Variants in ABLIM1 observed in about 807,000 individuals in gnomAD.
The protein encoded by ABLIM1 is actin binding LIM protein 1, also known as actin-binding LIM protein 1.
In ABLIM1, 40 loss-of-function variants were observed where a neutral mutation model predicts 107.0. The observed-to-expected ratio is 0.37, with a 90% CI of 0.29 to 0.49. ABLIM1 has a LOEUF of 0.49. ABLIM1 is among the 20% of genes least tolerant of loss of function. The probability of loss-of-function intolerance (pLI) is 0.97; values close to 1 mark genes in which losing one functional copy is unlikely to be tolerated. For missense variants in ABLIM1, 857 were observed against 1,008.5 expected (o/e 0.85, Z 2.04); for synonymous variants, 357 against 357.3 (o/e 1.00, Z 0.01).
upstream of ABLIM1, chr10:114,658,430 T>G (rs1307655204): frequency 1.8e-5 from 11 of 611,922 alleles, no homozygotes; most frequent in Non-Finnish European, 2.7e-5. Flanking sequence ...CTCGAGACTT[T>G]CAGTCTCAGA....
chr10:114,495,037 A>G (rs566145695), intron 6 of ABLIM1, among the ~76,000 whole-genome samples: 5 of 152,300 alleles, frequency 3.3e-5, no homozygotes, highest in East Asian at 1.9e-4. Context: ...ACACACATGT[A>G]TATGTATATT....
At chr10:114,718,152 AAAAG>A (rs2081747856) in intron 1 of ABLIM1, among the ~76,000 whole-genome samples, 1 of 151,794 alleles carries the variant, frequency 6.6e-6, no homozygotes, top group African/African-American at 2.4e-5. Context: ...GAAAGAGAAA[AAAAG>A]AAAAAGAAAG....
intron 6 of ABLIM1, among the ~76,000 whole-genome samples, chr10:114,523,390 A>C (rs905371491): frequency 1.3e-5 from 2 of 152,116 alleles, no homozygotes; most frequent in Non-Finnish European, 2.9e-5. Flanking sequence ...CACAGGACAC[A>C]TAGATCAACA....
At chr10:114,691,534 A>T (rs1362747385) in intron 1 of ABLIM1, among the ~76,000 whole-genome samples, 1 of 152,178 alleles carries the variant, frequency 6.6e-6, no homozygotes, top group Non-Finnish European at 1.5e-5. Context: ...TCCCTGCAAA[A>T]ACAACAGGCA....
intron 6 of ABLIM1, among the ~76,000 whole-genome samples, chr10:114,541,072 C>T (rs1367206721): frequency 6.6e-6 from 1 of 152,148 alleles, no homozygotes; most frequent in African/African-American, 2.4e-5. Context: ...AAGGAGACAA[C>T]ACGCAAAAGG....
chr10:114,610,166 AG>A (rs1162338081), intron 1 of ABLIM1, among the ~76,000 whole-genome samples: 2 of 152,210 alleles, frequency 1.3e-5, no homozygotes, highest in Non-Finnish European at 2.9e-5. Context: ...CAATGCTTGA[AG>A]TACAAACAGA....
chr10:114,771,707 A>C (rs1377013418), upstream of ABLIM1, among the ~76,000 whole-genome samples: 2 of 152,180 alleles, frequency 1.3e-5, no homozygotes, highest in African/African-American at 4.8e-5. Flanking sequence ...GCAAATTGTA[A>C]AGTGCAAGGA....
intron 12 of ABLIM1, among the ~76,000 whole-genome samples, chr10:114,460,316 T>C (rs2063596213): frequency 1.3e-5 from 2 of 152,030 alleles, no homozygotes; most frequent in African/African-American, 2.4e-5. Flanking sequence ...AAAAATGATT[T>C]AAGGTCGGGC....
At position 114,558,627 on chromosome 10, in the gene ABLIM1, T is replaced by C. The variant is rs188827939; in HGVS notation, c.674-10851A>G. On this transcript the variant is annotated intron_variant, in intron 4 of 22. Transcript: ENST00000533213. ...CCAGCTACTTGAGAGTATTCATTTA[T>C]CAAGCAGAACATGTACTTTGAAAGG... is the stretch of plus-strand genomic sequence containing the variant. 3.5e-4 allele frequency among the ~76,000 whole-genome samples: 54 copies of C among 152,250 alleles called. No homozygotes were observed. In the East Asian group the frequency reaches 9.1e-3, roughly 26 times the overall value.
chr10:114,684,768 A>G, exon 1 of ABLIM1: 10 of 964,134 alleles, frequency 1.0e-5, no homozygotes, highest in South Asian at 9.7e-5. Flanking sequence ...TTTGATCACT[A>G]TCATTTCACA....
At chr10:114,635,223 G>A (rs1037593659) in intron 1 of ABLIM1, among the ~76,000 whole-genome samples, 4 of 152,208 alleles carry the variant, frequency 2.6e-5, no homozygotes, top group African/African-American at 9.7e-5. Flanking sequence ...TAAAGCAAGG[G>A]TTGTCCACAA....
At chr10:114,542,931 T>A (rs2066883170) in intron 6 of ABLIM1, among the ~76,000 whole-genome samples, 1 of 152,166 alleles carries the variant, frequency 6.6e-6, no homozygotes, top group South Asian at 2.1e-4. Context: ...TTCTCCCTGG[T>A]CAAGACACTA....
At chr10:114,607,061 T>C (rs1474404747) in intron 1 of ABLIM1, among the ~76,000 whole-genome samples, 1 of 152,138 alleles carries the variant, frequency 6.6e-6, no homozygotes, top group East Asian at 1.9e-4. Flanking sequence ...CCCTACGCCC[T>C]TGCACCCTTT....
rs17091846 is a variant in ABLIM1 at position 114,433,408 on chromosome 10, T to G, written c.*2852A>C. The G allele has an allele frequency of 0.14, 20,967 of 152,232 alleles. 1,930 individuals carry two copies. The highest frequency in any genetic ancestry group is 0.52 in the East Asian group (2,705 of 5,170). 9.4% of individuals were successfully genotyped at this position (152,232 alleles called of 1,614,324 possible). A position where few individuals can be genotyped will look rare whatever the true frequency, so the allele number is the denominator to read the frequency against. On this transcript the variant is annotated 3_prime_UTR_variant, in exon 23 of 23. Coordinates refer to ENST00000533213, the MANE Select transcript of ABLIM1 (RefSeq NM_002313.7). ...ACCCATCCCTCCAGCTGGAGCCTTT[T>G]GCTGGGAAATGGAGTAGGGGGCCCA...
At chr10:114,788,374 C>T in the ABLIM1 span, among the ~76,000 whole-genome samples, 2 of 150,696 alleles carry the variant, frequency 1.3e-5, no homozygotes, top group Admixed American at 1.3e-4. Flanking sequence ...ATAACTCAAC[C>T]CAAGTTACAC....
chr10:114,701,860 C>T (rs1319241052), intron 1 of ABLIM1, among the ~76,000 whole-genome samples: 1 of 152,010 alleles, frequency 6.6e-6, no homozygotes, highest in East Asian at 1.9e-4. Context: ...CTTCTATAGC[C>T]AAGATTCTTA....
rs372308541 is a variant in ABLIM1, at chr10:114,658,242, A to G, written c.-42T>C. 458 of 1,574,966 alleles carry G rather than the reference A, an allele frequency of 2.9e-4. 5 individuals are homozygous for G. The South Asian group carries it at 5.0e-3, about 17-fold the overall frequency. ...AAGCAATGAGAAATGGGGAGTGGGG[A>G]CCCAAGGAGCGGTGCTGCCCCACAA... On this transcript the variant is annotated 5_prime_UTR_variant, in exon 1 of 23. Transcript: ENST00000533213.
chr10:114,517,063 C>A (rs1051897138), intron 6 of ABLIM1, among the ~76,000 whole-genome samples: 1 of 152,082 alleles, frequency 6.6e-6, no homozygotes, highest in Non-Finnish European at 1.5e-5. Flanking sequence ...AAGGCTTTTG[C>A]CCCTTTCCTC....
intron 6 of ABLIM1, among the ~76,000 whole-genome samples, chr10:114,527,526 G>C (rs747234228): frequency 4.6e-5 from 7 of 152,210 alleles, no homozygotes; most frequent in Non-Finnish European, 1.0e-4. Context: ...GTGAGCCAGT[G>C]ACTGAGGGGA....
Sources: gnomAD v4.1 joint callset for allele counts (sites outside exome capture counted in the v4.1 genomes callset) on GRCh38, gnomAD v4.1.1 for gene constraint, MANE v1.5 for transcripts, NCBI Gene and HGNC (gene_info 2026-07-23, HGNC 2026-07-21) for gene names.